Variants in SYT1 observed in about 807,000 individuals in gnomAD.
SYT1 encodes the protein synaptotagmin-1.
SYT1 carries 8 observed loss-of-function variants against 44.8 expected under a neutral mutation model. That is an observed-to-expected ratio of 0.18 (90% CI 0.10 to 0.32). The LOEUF (loss-of-function observed/expected upper bound fraction) is 0.32. Among genes scored for constraint, SYT1 ranks in the 10% least tolerant of loss-of-function variants. The pLI is 1.00. For synonymous variants in SYT1, 154 were observed against 188.8 expected (o/e 0.82, Z 1.51); for missense variants, 286 against 509.3 (o/e 0.56, Z 4.22).
intron 4 of SYT1, among the ~76,000 whole-genome samples, chr12:79,251,720 C>A (rs571052285): frequency 2.6e-4 from 40 of 152,272 alleles, no homozygotes; most frequent in African/African-American, 8.4e-4. Context: ...CTTGACTTAA[C>A]CCCAAGTGAG....
intron 1 of SYT1, among the ~76,000 whole-genome samples, chr12:78,949,866 A>G (rs973986339): frequency 1.3e-5 from 2 of 152,018 alleles, no homozygotes; most frequent in African/African-American, 4.8e-5. Context: ...CCTAAATTCT[A>G]TTGGATTATC....
chr12:79,065,958 A>G (rs1201407654), intron 3 of SYT1, among the ~76,000 whole-genome samples: 1 of 152,172 alleles, frequency 6.6e-6, no homozygotes, highest in East Asian at 1.9e-4. Context: ...TTACAAAAGA[A>G]CAAAGTAATT....
intron 2 of SYT1, among the ~76,000 whole-genome samples, chr12:78,997,691 T>C (rs1356763998): frequency 6.7e-6 from 1 of 150,294 alleles, no homozygotes; most frequent in Non-Finnish European, 1.5e-5. Context: ...TTTTGAGAAA[T>C]GAGGAAGAAA....
At chr12:79,314,020 T>G (rs1296849566) in intron 8 of SYT1, among the ~76,000 whole-genome samples, 2 of 150,094 alleles carry the variant, frequency 1.3e-5, no homozygotes. Flanking sequence ...ATACAAAAAA[T>G]TAGCCGGGCG....
intron 8 of SYT1, among the ~76,000 whole-genome samples, chr12:79,337,540 G>A (rs938530231): frequency 1.3e-5 from 2 of 152,184 alleles, no homozygotes; most frequent in African/African-American, 4.8e-5. Context: ...AGAACTTCAG[G>A]ATACAAAGTC....
intron 4 of SYT1, among the ~76,000 whole-genome samples, chr12:79,267,420 A>G (rs948300655): frequency 6.6e-6 from 1 of 152,212 alleles, no homozygotes; most frequent in Non-Finnish European, 1.5e-5. Flanking sequence ...GAAAGTGTCA[A>G]AATAAAGCCA....
Position 79,445,411 on chromosome 12 carries a change from T to C in SYT1, c.1062+1205T>C, listed in dbSNP as rs116958218. 7.7e-4 allele frequency among the ~76,000 whole-genome samples: 117 copies of C among 152,218 alleles called. 1 individual carries two copies. The East Asian group carries it at 0.017, about 22-fold the overall frequency. ...GGTACAGAACACTAGAATTCATTCC[T>C]CCTATGTAGCTGTGATTTTATATCC... On this transcript the variant is annotated intron_variant, in intron 10 of 10. Coordinates refer to ENST00000261205, the MANE Select transcript of SYT1 (RefSeq NM_005639.3).
At chr12:79,031,162 A>C (rs1476738898) in intron 2 of SYT1, among the ~76,000 whole-genome samples, 2 of 151,168 alleles carry the variant, frequency 1.3e-5, no homozygotes, top group East Asian at 3.9e-4. Flanking sequence ...TAATCATCAA[A>C]ATAGTATTGA....
intron 3 of SYT1, among the ~76,000 whole-genome samples, chr12:79,173,007 G>A (rs200445972): frequency 0.086 from 3,993 of 46,604 alleles, 159 homozygotes; most frequent in African/African-American, 0.12. Flanking sequence ...AAAAAAAAAA[G>A]GGAGTTTGGC....
rs192176554 is a variant in SYT1 at position 79,140,011 on chromosome 12, C to T, written c.-17-77492C>T. 1.2e-4 allele frequency among the ~76,000 whole-genome samples: 18 copies of T among 152,292 alleles called. No individual in the cohort carries two copies. The East Asian group carries it at 3.3e-3, about 28-fold the overall frequency. ...AACAAGTATCCTGAAATTAATGGAACAGGGGCTCTCCACAGCAGGAAAAGA... is the reference window on the plus strand; with the variant it reads ...AACAAGTATCCTGAAATTAATGGAATAGGGGCTCTCCACAGCAGGAAAAGA... On this transcript the variant is annotated intron_variant, in intron 3 of 10. Coordinates refer to ENST00000261205, the MANE Select transcript of SYT1 (RefSeq NM_005639.3).
chr12:79,394,914 C>T (rs1046931265), intron 9 of SYT1, among the ~76,000 whole-genome samples: 13 of 152,082 alleles, frequency 8.5e-5, no homozygotes, highest in African/African-American at 2.4e-4. Context: ...CCATAATTAC[C>T]AATAGAATTA....
chr12:79,267,781 T>C (rs948308112), intron 4 of SYT1, among the ~76,000 whole-genome samples: 1 of 152,174 alleles, frequency 6.6e-6, no homozygotes, highest in Non-Finnish European at 1.5e-5. Flanking sequence ...GACAGCAAGC[T>C]CCTGGGCTGA....
At chr12:79,100,123 T>C (rs1878360398) in intron 3 of SYT1, among the ~76,000 whole-genome samples, 1 of 152,112 alleles carries the variant, frequency 6.6e-6, no homozygotes, top group Non-Finnish European at 1.5e-5. Context: ...ATAACGAACA[T>C]TTGGAGTGCT....
chr12:78,951,268 T>C (rs1158546460), intron 1 of SYT1, among the ~76,000 whole-genome samples: 1 of 152,140 alleles, frequency 6.6e-6, no homozygotes, highest in Non-Finnish European at 1.5e-5. Context: ...TATTATGGGA[T>C]CAGGAAGTCA....
At chr12:79,094,136 A>T (rs931467997) in intron 3 of SYT1, among the ~76,000 whole-genome samples, 7 of 151,766 alleles carry the variant, frequency 4.6e-5, no homozygotes, top group Non-Finnish European at 1.0e-4. Flanking sequence ...AAGAATATTC[A>T]TTATCTAATT....
chr12:79,111,853 T>C (rs535727916), intron 3 of SYT1, among the ~76,000 whole-genome samples: 1 of 152,172 alleles, frequency 6.6e-6, no homozygotes, highest in African/African-American at 2.4e-5. Flanking sequence ...CTTCCTGTCA[T>C]GTACCTAATT....
intron 3 of SYT1, among the ~76,000 whole-genome samples, chr12:79,178,969 T>TATAG (rs1555204670): frequency 0.58 from 27,398 of 46,840 alleles, 10,610 homozygotes; most frequent in African/African-American, 0.75. Flanking sequence ...TAGATATAGA[T>TATAG]ATATAGATAT....
chr12:79,342,442 ACTGGT>A (rs1882420973), intron 8 of SYT1, among the ~76,000 whole-genome samples: 1 of 152,086 alleles, frequency 6.6e-6, no homozygotes, highest in African/African-American at 2.4e-5. Flanking sequence ...CATTGCCCAG[ACTGGT>A]CTCAAAATCC....
At chr12:79,134,398 A>G (rs2138190134) in intron 3 of SYT1, among the ~76,000 whole-genome samples, 1 of 152,314 alleles carries the variant, frequency 6.6e-6, no homozygotes, top group African/African-American at 2.4e-5. Flanking sequence ...TGAATGCTTG[A>G]AGAATTGACT....
Sources: gnomAD v4.1 joint callset for allele counts (sites outside exome capture counted in the v4.1 genomes callset) on GRCh38, gnomAD v4.1.1 for gene constraint, MANE v1.5 for transcripts, NCBI Gene and HGNC (gene_info 2026-07-23, HGNC 2026-07-21) for gene names.